Variants in GRK5 observed in about 807,000 individuals in gnomAD.
GRK5 encodes G protein-coupled receptor kinase 5.
GRK5 carries 40 observed loss-of-function variants against 78.4 expected under a neutral mutation model. The observed-to-expected ratio is 0.51, with a 90% CI of 0.40 to 0.66. The LOEUF (loss-of-function observed/expected upper bound fraction) is 0.66, where lower values mean the gene tolerates loss of function less well. Ranked by LOEUF, GRK5 falls within the 30% of genes least tolerant of loss-of-function variation. The pLI, the probability that GRK5 is intolerant of heterozygous loss-of-function variation, is 0.00. For missense variants in GRK5, 598 were observed against 759.9 expected (o/e 0.79, Z 2.50); for synonymous variants, 289 against 296.8 (o/e 0.97, Z 0.27).
intron 4 of GRK5, among the ~76,000 whole-genome samples, chr10:119,402,401 C>T (rs1283406727): frequency 1.3e-5 from 2 of 152,118 alleles, no homozygotes; most frequent in African/African-American, 4.8e-5. Context: ...CTTCTACCCT[C>T]CAGTTCTACA....
intron 3 of GRK5, among the ~76,000 whole-genome samples, chr10:119,392,983 G>T (rs772858707): frequency 6.6e-6 from 1 of 152,250 alleles, no homozygotes; most frequent in Admixed American, 6.5e-5. Flanking sequence ...GGGCAAGGGT[G>T]TTCTCAGGGC....
At chr10:119,265,914 C>T (rs1022341259) in intron 1 of GRK5, among the ~76,000 whole-genome samples, 12 of 152,208 alleles carry the variant, frequency 7.9e-5, no homozygotes, top group African/African-American at 2.7e-4. Context: ...AGTCCGGGCC[C>T]TGGGATCTGC....
chr10:119,282,598 C>G (rs894203417), intron 1 of GRK5, among the ~76,000 whole-genome samples: 13 of 152,290 alleles, frequency 8.5e-5, no homozygotes, highest in African/African-American at 3.1e-4. Flanking sequence ...GATGGACTAT[C>G]GAGCAGATGG....
At chr10:119,423,887 C>A (rs1313867211) in intron 5 of GRK5, among the ~76,000 whole-genome samples, 2 of 152,202 alleles carry the variant, frequency 1.3e-5, no homozygotes, top group African/African-American at 4.8e-5. Context: ...ATCTTAGGGG[C>A]TTTTTGTGTG....
chr10:119,240,447 C>T (rs186899169), intron 1 of GRK5, among the ~76,000 whole-genome samples: 68 of 151,922 alleles, frequency 4.5e-4, no homozygotes, highest in Non-Finnish European at 9.0e-4. Flanking sequence ...ATGATCTGCC[C>T]GCCTCAGCCT....
chr10:119,215,142 A>G (rs1239766967), intron 1 of GRK5, among the ~76,000 whole-genome samples: 4 of 152,248 alleles, frequency 2.6e-5, no homozygotes, highest in African/African-American at 7.2e-5. Context: ...TCAACGTAGT[A>G]GCCACTAGCT....
chr10:119,292,669 C>A (rs1032047201), intron 1 of GRK5, among the ~76,000 whole-genome samples: 43 of 152,176 alleles, frequency 2.8e-4, no homozygotes, highest in African/African-American at 9.2e-4. Context: ...CCAAAATCTG[C>A]AGATGCACAA....
intron 1 of GRK5, among the ~76,000 whole-genome samples, chr10:119,277,429 A>G (rs1225072520): frequency 1.3e-5 from 2 of 152,114 alleles, no homozygotes; most frequent in Non-Finnish European, 1.5e-5. Context: ...CTCTGCATGC[A>G]TTCTGTACCT....
intron 1 of GRK5, among the ~76,000 whole-genome samples, chr10:119,228,311 C>T (rs1341538659): frequency 6.6e-6 from 1 of 151,932 alleles, no homozygotes; most frequent in Non-Finnish European, 1.5e-5. Flanking sequence ...TGCCAGTATG[C>T]TCCAGCCTGG....
chr10:119,226,502 G>C (rs900142485), intron 1 of GRK5, among the ~76,000 whole-genome samples: 8 of 149,418 alleles, frequency 5.4e-5, no homozygotes, highest in African/African-American at 1.7e-4. Flanking sequence ...TAGCTTTGTT[G>C]CTAACCTGCC....
intron 1 of GRK5, among the ~76,000 whole-genome samples, chr10:119,234,335 AC>A (rs1211164188): frequency 6.6e-6 from 1 of 152,212 alleles, no homozygotes; most frequent in Non-Finnish European, 1.5e-5. Context: ...GTTGGTGTTG[AC>A]AAAAAATATT....
At chr10:119,425,268 T>TACACACACACACACACACACACACAC (rs112640010) in intron 6 of GRK5, among the ~76,000 whole-genome samples, 183 bp downstream of exon 6, 1 of 126,620 alleles carries the variant, frequency 7.9e-6, no homozygotes, top group Non-Finnish European at 1.8e-5. Context: ...CACACACACA[T>TACACACACACACACACACACACACAC]ACACACACAC....
At chr10:119,252,037 A>G (rs1849212024) in intron 1 of GRK5, among the ~76,000 whole-genome samples, 1 of 152,166 alleles carries the variant, frequency 6.6e-6, no homozygotes, top group South Asian at 2.1e-4. Flanking sequence ...TGCCAAGTAC[A>G]ATTCTGGCTC....
intron 1 of GRK5, among the ~76,000 whole-genome samples, chr10:119,260,837 C>T (rs1780616694): frequency 6.6e-6 from 1 of 151,940 alleles, no homozygotes; most frequent in Non-Finnish European, 1.5e-5. Flanking sequence ...CATCCGATTT[C>T]TCAATCTTTT....
chr10:119,397,502 C>T (rs955156821), intron 4 of GRK5, among the ~76,000 whole-genome samples: 9 of 152,196 alleles, frequency 5.9e-5, no homozygotes, highest in South Asian at 2.1e-4. Context: ...ACTCACCTCC[C>T]GGAGGTGTTG....
chr10:119,404,036 A>T (rs1209949869), intron 4 of GRK5, among the ~76,000 whole-genome samples: 1 of 152,186 alleles, frequency 6.6e-6, no homozygotes, highest in Non-Finnish European at 1.5e-5. Flanking sequence ...TGGGGTATAT[A>T]CATAGGAGTA....
At chr10:119,254,035 T>C (rs1849243196) in intron 1 of GRK5, among the ~76,000 whole-genome samples, 1 of 152,232 alleles carries the variant, frequency 6.6e-6, no homozygotes, top group South Asian at 2.1e-4. Flanking sequence ...ATGTGTCTCC[T>C]CTGACTTTGC....
chr10:119,214,952 A>G (rs1475418216), intron 1 of GRK5, among the ~76,000 whole-genome samples: 3 of 152,262 alleles, frequency 2.0e-5, no homozygotes, highest in African/African-American at 7.2e-5. Context: ...CAGGCAGAGC[A>G]GGTGTTCAGG....
At chr10:119,384,457 C>T (rs1005890032) in intron 3 of GRK5, among the ~76,000 whole-genome samples, 1 of 152,158 alleles carries the variant, frequency 6.6e-6, no homozygotes, top group Non-Finnish European at 1.5e-5. Flanking sequence ...TCGTGTACTT[C>T]GTGTCTTCAT....
Sources: gnomAD v4.1 joint callset for allele counts (sites outside exome capture counted in the v4.1 genomes callset) on GRCh38, gnomAD v4.1.1 for gene constraint, MANE v1.5 for transcripts, NCBI Gene and HGNC (gene_info 2026-07-23, HGNC 2026-07-21) for gene names.